The following PTPRD variants were observed in gnomAD, a reference collection of about 807,000 sequenced individuals.
The protein encoded by PTPRD is receptor-type tyrosine-protein phosphatase delta.
Under a neutral mutation model 214.5 loss-of-function variants are expected in PTPRD, and 34 were observed. The observed-to-expected ratio is 0.16, with a 90% CI of 0.12 to 0.21. The LOEUF is 0.21. Among genes scored for constraint, PTPRD ranks in the 10% least tolerant of loss-of-function variants. The probability of loss-of-function intolerance (pLI) is 1.00; values close to 1 mark genes in which losing one functional copy is unlikely to be tolerated. For synonymous variants in PTPRD, 1,128 were observed against 845.7 expected (o/e 1.33, Z -5.79); for missense variants, 2,545 against 2,398.7 (o/e 1.06, Z -1.27).
intron 9 of PTPRD, among the ~76,000 whole-genome samples, chr9:9,275,989 C>T (rs1047918093): frequency 1.9e-4 from 28 of 151,232 alleles, no homozygotes; most frequent in Middle Eastern, 3.4e-3. Flanking sequence ...ACACCTCAAC[C>T]GAATTTATTA....
chr9:9,278,700 C>T (rs1460378704), intron 9 of PTPRD, among the ~76,000 whole-genome samples: 1 of 151,352 alleles, frequency 6.6e-6, no homozygotes, highest in Admixed American at 6.6e-5. Flanking sequence ...TAGTGTCAGT[C>T]AGACCTGCGG....
chr9:10,277,092 T>G (rs954415798), intron 3 of PTPRD, among the ~76,000 whole-genome samples: 1 of 152,210 alleles, frequency 6.6e-6, no homozygotes, highest in South Asian at 2.1e-4. Context: ...TCATCATGTT[T>G]ATAGCCTAGT....
chr9:8,773,456 C>G (rs746297458), intron 11 of PTPRD, among the ~76,000 whole-genome samples: 2 of 152,196 alleles, frequency 1.3e-5, no homozygotes, highest in Non-Finnish European at 2.9e-5. Context: ...TTTCTCATCA[C>G]TCAGAGGGCA....
chr9:10,538,388 T>G (rs1302286925), intron 2 of PTPRD, among the ~76,000 whole-genome samples: 1 of 152,146 alleles, frequency 6.6e-6, no homozygotes, highest in African/African-American at 2.4e-5. Flanking sequence ...CCCCTCTCTA[T>G]TCTTCATCTA....
At chr9:8,443,224 T>G (rs932440856) in intron 34 of PTPRD, among the ~76,000 whole-genome samples, 3 of 152,238 alleles carry the variant, frequency 2.0e-5, no homozygotes. Flanking sequence ...AAGCTGTTTC[T>G]TTATATCAGA....
At chr9:9,900,926 CT>C (rs2076255020) in intron 5 of PTPRD, among the ~76,000 whole-genome samples, 1 of 152,152 alleles carries the variant, frequency 6.6e-6, no homozygotes. Context: ...CAATGCCCCA[CT>C]CCTTGGTGCC....
intron 12 of PTPRD, among the ~76,000 whole-genome samples, chr9:8,638,106 T>C (rs933061652): frequency 3.4e-5 from 5 of 147,578 alleles, no homozygotes; most frequent in South Asian, 2.1e-4. Flanking sequence ...GTTCCTTCTT[T>C]TTTTTTTTTT....
intron 10 of PTPRD, among the ~76,000 whole-genome samples, chr9:9,029,766 A>C (rs2099598607): frequency 6.6e-6 from 1 of 152,046 alleles, no homozygotes; most frequent in East Asian, 1.9e-4. Flanking sequence ...AGTGTAAGGA[A>C]CAGGTAGGTG....
intron 12 of PTPRD, among the ~76,000 whole-genome samples, chr9:8,646,547 C>T (rs1019380950): frequency 1.7e-4 from 26 of 152,036 alleles, no homozygotes; most frequent in African/African-American, 5.8e-4. Context: ...TGTAAAATGC[C>T]TTCTTTCCCA....
chr9:8,422,317 A>G (rs543957640), intron 35 of PTPRD, among the ~76,000 whole-genome samples: 1 of 152,154 alleles, frequency 6.6e-6, no homozygotes, highest in Admixed American at 6.6e-5. Flanking sequence ...CAATCCTTGT[A>G]ATGTTTATAA....
chr9:9,112,912 T>C (rs1349721030), intron 10 of PTPRD, among the ~76,000 whole-genome samples: 1 of 152,026 alleles, frequency 6.6e-6, no homozygotes, highest in East Asian at 1.9e-4. Flanking sequence ...TGTTTTTCTT[T>C]CTCTGATAAG....
At chr9:9,590,476 G>A (rs1219172279) in intron 7 of PTPRD, among the ~76,000 whole-genome samples, 1 of 151,800 alleles carries the variant, frequency 6.6e-6, no homozygotes, top group African/African-American at 2.4e-5. Context: ...ATTATAAAAA[G>A]ACTACTTCTT....
chr9:10,397,633 A>T (rs967157354), intron 2 of PTPRD, among the ~76,000 whole-genome samples: 1 of 152,012 alleles, frequency 6.6e-6, no homozygotes, highest in Non-Finnish European at 1.5e-5. Context: ...TGTATCTTTT[A>T]TATGTTTAAT....
chr9:9,302,999 C>T (rs1362508824), intron 9 of PTPRD, among the ~76,000 whole-genome samples: 3 of 151,896 alleles, frequency 2.0e-5, no homozygotes, highest in African/African-American at 7.2e-5. Flanking sequence ...AGGGCATGTC[C>T]TACTATACTG....
At chr9:9,125,124 A>G (rs1410880856) in intron 10 of PTPRD, among the ~76,000 whole-genome samples, 1 of 152,210 alleles carries the variant, frequency 6.6e-6, no homozygotes, top group Non-Finnish European at 1.5e-5. Flanking sequence ...CCATGACAAT[A>G]TAAATTTATC....
intron 11 of PTPRD, among the ~76,000 whole-genome samples, chr9:8,811,809 AC>A: frequency 6.6e-6 from 1 of 152,250 alleles, no homozygotes; most frequent in East Asian, 1.9e-4. Flanking sequence ...CTTACATGCA[AC>A]CTAGAAATTC....
intron 11 of PTPRD, among the ~76,000 whole-genome samples, chr9:8,931,139 T>A (rs2098949612): frequency 6.6e-6 from 1 of 152,026 alleles, no homozygotes; most frequent in African/African-American, 2.4e-5. Flanking sequence ...AATTTTTGTA[T>A]AAGGTGTAAG....
intron 11 of PTPRD, among the ~76,000 whole-genome samples, chr9:8,971,869 CA>C (rs1206756411): frequency 6.6e-6 from 1 of 151,606 alleles, no homozygotes; most frequent in Non-Finnish European, 1.5e-5. Flanking sequence ...TTTCTAAAAT[CA>C]CACAGCTTGC....
chr9:10,352,599 C>T lies in PTPRD; in HGVS notation c.-599-11582G>A, dbSNP rs554810962. 3.4e-4 allele frequency among the ~76,000 whole-genome samples: 51 copies of T among 152,070 alleles called. No homozygotes were observed. The South Asian group carries it at 8.5e-3, about 25-fold the overall frequency. On this transcript the variant is annotated intron_variant, in intron 2 of 45. Coordinates refer to ENST00000381196, the MANE Select transcript of PTPRD (RefSeq NM_002839.4). ...GGAGAAATAGCTATATATGCATAAGCATGTTTATTTATAATTCCAAGAGCA... is the reference window on the plus strand; with the variant it reads ...GGAGAAATAGCTATATATGCATAAGTATGTTTATTTATAATTCCAAGAGCA...
Sources: allele counts gnomAD v4.1 joint callset (sites outside exome capture counted in the v4.1 genomes callset), GRCh38; gene constraint gnomAD v4.1.1; transcripts MANE v1.5; gene names NCBI Gene and HGNC (gene_info 2026-07-23, HGNC 2026-07-21).